UBE3B: variants seen among roughly 807,000 people sequenced by gnomAD.
UBE3B encodes ubiquitin protein ligase E3B.
A neutral mutation model predicts 132.3 loss-of-function variants in UBE3B; 80 were observed. The observed-to-expected ratio is 0.60, with a 90% CI of 0.50 to 0.73. The LOEUF (loss-of-function observed/expected upper bound fraction) is 0.73. Ranked by LOEUF, UBE3B falls within the 30% of genes least tolerant of loss-of-function variation. The probability of loss-of-function intolerance (pLI) is 0.00; values close to 1 mark genes in which losing one functional copy is unlikely to be tolerated. For missense variants in UBE3B, 1,196 were observed against 1,362.5 expected, an observed-to-expected ratio of 0.88 and a Z score of 1.92; for synonymous variants, 487 against 520.4, an observed-to-expected ratio of 0.94 and a Z score of 0.87.
chr12:109,531,441 A>G (rs1449672467), intron 26 of UBE3B, among the ~76,000 whole-genome samples: 3 of 152,146 alleles, frequency 2.0e-5, no homozygotes, highest in Non-Finnish European at 2.9e-5. Context: ...CAGCCTTCCT[A>G]CTTGACAGAA....
Position 109,486,486 on chromosome 12 carries a change from C to T in UBE3B, c.358C>T (p.Leu120=). ...ENEPKVWYVS[L]ACSKDLTLLW... is the part of the protein sequence containing the mutation. ...CCACCTATAGGTGTGGTATGTGTCC[C>T]TGGCTTGTTCTAAGGACCTCACCCT... The change falls in exon 6 of 28, where the codon CTG becomes TTG. Residue 120 remains leucine, a synonymous_variant. Coordinates refer to ENST00000342494, the MANE Select transcript of UBE3B (RefSeq NM_130466.4). 1 of 1,606,922 alleles carries T rather than the reference C, an allele frequency of 6.2e-7. No individual in the cohort carries two copies. Among genetic ancestry groups the T allele is most frequent in the South Asian group, 1.1e-5 (1 of 90,820 alleles).
intron 19 of UBE3B, chr12:109,519,998 T>C (rs1881504444): frequency 1.3e-5 from 2 of 152,234 alleles, no homozygotes; most frequent in Non-Finnish European, 2.9e-5. Context: ...TCGTTTGCTT[T>C]GTGATGAGGG....
chr12:109,537,996 C>T (rs1006159894), downstream of UBE3B, among the ~76,000 whole-genome samples: 3 of 152,134 alleles, frequency 2.0e-5, no homozygotes, highest in Non-Finnish European at 2.9e-5. Flanking sequence ...CCACCGCGCC[C>T]GGCCAACATT....
chr12:109,538,406 A>G (rs141870078), downstream of UBE3B, among the ~76,000 whole-genome samples: 1 of 152,312 alleles, frequency 6.6e-6, no homozygotes, highest in African/African-American at 2.4e-5. This position sits in a 1 kb window ranked among gnomAD's most constrained non-coding sequence, Gnocchi z 4.1. Context: ...CTGGAATCGC[A>G]GAGATGTGTG....
downstream of UBE3B, among the ~76,000 whole-genome samples, chr12:109,537,664 C>T (rs997508147): frequency 6.6e-6 from 1 of 152,194 alleles, no homozygotes; most frequent in African/African-American, 2.4e-5. Context: ...GTGAGGCACA[C>T]CCACCTAAAA....
At chr12:109,478,566 A>C (rs1482151586) in intron 1 of UBE3B, among the ~76,000 whole-genome samples, 2 of 152,160 alleles carry the variant, frequency 1.3e-5, no homozygotes, top group Non-Finnish European at 2.9e-5. Context: ...GGATCACCTG[A>C]GGTCAGAAGT....
At chr12:109,546,005 T>A in the UBE3B span, among the ~76,000 whole-genome samples, 1 of 152,118 alleles carries the variant, frequency 6.6e-6, no homozygotes, top group Non-Finnish European at 1.5e-5. Flanking sequence ...ACGACTTCCT[T>A]AGCTTATCAT....
intron 10 of UBE3B, 35 bp from the exon 11 acceptor site, chr12:109,498,198 C>G (rs1466899193): frequency 6.2e-7 from 1 of 1,610,738 alleles, no homozygotes; most frequent in Non-Finnish European, 8.5e-7. Context: ...CTGTTTCTGG[C>G]AGTTTCTGAT....
chr12:109,478,324 C>A (rs1433208929), intron 1 of UBE3B, among the ~76,000 whole-genome samples: 2 of 152,084 alleles, frequency 1.3e-5, no homozygotes, highest in African/African-American at 4.8e-5. Flanking sequence ...AACGGGGGAG[C>A]CCTGGATCTT....
intron 13 of UBE3B, among the ~76,000 whole-genome samples, chr12:109,502,199 G>A (rs1879089431): frequency 1.3e-5 from 2 of 152,228 alleles, no homozygotes; most frequent in African/African-American, 4.8e-5. Context: ...AAACCGACAT[G>A]AAAAGGGGTC....
intron 8 of UBE3B, chr12:109,490,474 C>T: frequency 6.5e-7 from 1 of 1,535,412 alleles, no homozygotes; most frequent in Non-Finnish European, 8.7e-7. Flanking sequence ...TTGACTTTGC[C>T]CTTCCTTCTC....
intron 6 of UBE3B, among the ~76,000 whole-genome samples, chr12:109,487,537 A>G (rs998024281): frequency 2.6e-5 from 4 of 152,036 alleles, no homozygotes; most frequent in African/African-American, 9.7e-5. Context: ...GGGTTTCCAC[A>G]CTATGTTCCT....
At chr12:109,505,741 T>G (rs570720547) in intron 14 of UBE3B, among the ~76,000 whole-genome samples, 1 of 152,362 alleles carries the variant, frequency 6.6e-6, no homozygotes, top group South Asian at 2.1e-4. Context: ...ATACAATTCT[T>G]GGCCTCCTTT....
In UBE3B at chr12:109,534,342, C is replaced by T. The variant is rs1883253363; in HGVS notation, c.3016-249C>T. 2 of 1,411,814 alleles carry T rather than the reference C, an allele frequency of 1.4e-6. No individual in the cohort carries two copies. Among genetic ancestry groups the T allele is most frequent in the Non-Finnish European group, 1.8e-6 (2 of 1,088,882 alleles). The allele number at this position is 1,411,814 out of a possible 1,614,324, so 87.5% of individuals were successfully genotyped here. On this transcript the variant is annotated intron_variant, in intron 27 of 27. Transcript: ENST00000342494. This position sits in a 1 kb window ranked among gnomAD's most constrained non-coding sequence, Gnocchi z 5.2. ...TAATTCGCTGTGAACCGGAAGGCCC[C>T]ATTTCCAAAAGCTTACTTAGTGCAG...
chr12:109,521,212 T>C lies in UBE3B; in HGVS notation c.2141T>C (p.Phe714Ser), dbSNP rs774422074. 6.2e-7 allele frequency: 1 copy of C among 1,614,214 alleles called. No homozygotes were observed. The highest frequency in any genetic ancestry group is 8.5e-7 in the Non-Finnish European group (1 of 1,180,034). ...ATGAAGGGGGTCATCCGTGTGAAGT[T>C]TGTCAATGACCTCGGGGTGGACGAA... ...HAMKGVIRVK[F>S]VNDLGVDEAG... The change falls in exon 20 of 28, where the codon TTT becomes TCT. Residue 714 changes from phenylalanine (F) to serine (S), a missense_variant. By Grantham distance (155) the Phe-to-Ser change is radical. Transcript: ENST00000342494. The surrounding 1 kb of genome is among the most constrained non-coding windows in gnomAD (Gnocchi z 4.2).
At chr12:109,533,677 C>T (rs779186103) in intron 27 of UBE3B, 119 bp downstream of exon 27, 3 of 1,045,202 alleles carry the variant, frequency 2.9e-6, no homozygotes, top group South Asian at 2.6e-5. Flanking sequence ...AGCTGGACCC[C>T]TCAGAGCCAA....
intron 16 of UBE3B, 128 bp from the exon 17 acceptor site, chr12:109,510,216 G>C: frequency 1.3e-6 from 1 of 744,820 alleles, no homozygotes; most frequent in Non-Finnish European, 2.2e-6. Context: ...TAATTCTGTC[G>C]GTTCCACATA....
chr12:109,522,116 T>C lies in UBE3B; in HGVS notation c.2364+565T>C, dbSNP rs1881784218. On this transcript the variant is annotated intron_variant, in intron 21 of 27. Transcript: ENST00000342494. The surrounding 1 kb of genome is among the most constrained non-coding windows in gnomAD (Gnocchi z 4.2). ...AAGTTTCTTTAGTTTTTAAGCCGTGTTCTCGCATCAGTAAAGTGGAGATAA... is the reference window on the plus strand; with the variant it reads ...AAGTTTCTTTAGTTTTTAAGCCGTGCTCTCGCATCAGTAAAGTGGAGATAA... 6.6e-6 allele frequency among the ~76,000 whole-genome samples: 1 copy of C among 152,222 alleles called. No individual in the cohort carries two copies. Among genetic ancestry groups the C allele is most frequent in the African/African-American group, 2.4e-5 (1 of 41,444 alleles).
chr12:109,484,484 C>T (rs1017824420), intron 4 of UBE3B, among the ~76,000 whole-genome samples: 11 of 152,182 alleles, frequency 7.2e-5, no homozygotes, highest in South Asian at 6.2e-4. Context: ...CTTCACCTCC[C>T]GGGTTCAAGC....
Sources: gnomAD v4.1 joint callset for allele counts (sites outside exome capture counted in the v4.1 genomes callset) on GRCh38, gnomAD v4.1.1 for gene constraint, Gnocchi (gnomAD v3.1) non-coding constraint, MANE v1.5 for transcripts, NCBI Gene and HGNC (gene_info 2026-07-23, HGNC 2026-07-21) for gene names.